The following PSMD4 variants were observed in gnomAD, a reference collection of about 807,000 sequenced individuals.
The protein encoded by PSMD4 is 26S proteasome non-ATPase regulatory subunit 4.
A neutral mutation model predicts 39.7 loss-of-function variants in PSMD4; 5 were observed. The observed-to-expected ratio is 0.13, with a 90% CI of 0.07 to 0.26. The LOEUF (loss-of-function observed/expected upper bound fraction) is 0.26, where lower values mean the gene tolerates loss of function less well. Ranked by LOEUF, PSMD4 falls within the 10% of genes least tolerant of loss-of-function variation. PSMD4 has a pLI of 1.00. For synonymous variants in PSMD4, 143 were observed against 174.6 expected, an observed-to-expected ratio of 0.82 and a Z score of 1.43; for missense variants, 272 against 486.1, an observed-to-expected ratio of 0.56 and a Z score of 4.14.
rs367961685 is a variant in PSMD4, at chr1:151,266,136, C to G, written c.763+24C>G. ...AGGTGAAAGAGGTGGAATCCGAAGT[C>G]CTGGGACTGCGGGATGCTAAACATT... On this transcript the variant is annotated intron_variant, in intron 7 of 9. Transcript: ENST00000368884. 8.1e-6 allele frequency: 13 copies of G among 1,596,970 alleles called. No individual in the cohort carries two copies. The African/African-American group carries it at 1.6e-4, about 20-fold the overall frequency.
intron 1 of PSMD4, among the ~76,000 whole-genome samples, chr1:151,258,236 C>T (rs151000997): frequency 7.0e-4 from 106 of 152,030 alleles, no homozygotes; most frequent in Middle Eastern, 3.4e-3. Flanking sequence ...TCATATTGGT[C>T]AGGCTGGTCT....
rs780048977 is a variant in PSMD4 at position 151,266,366 on chromosome 1, G to A, written c.822G>A (p.Gly274=). 6.2e-6 allele frequency: 10 copies of A among 1,614,186 alleles called. No homozygotes were observed. In the South Asian group the frequency reaches 9.9e-5, roughly 16 times the overall value. The change falls in exon 8 of 10, where the codon GGG becomes GGA. Residue 274 remains glycine, a synonymous_variant. Coordinates refer to ENST00000368884, the MANE Select transcript of PSMD4 (RefSeq NM_002810.4). The stretch of plus-strand genomic sequence containing the variant: ...GCCAGCAAGAGTTTGGCCGCACTGG[G>A]CTTCCTGACCTAAGCAGTATGACTG... The part of the protein sequence containing the change: ...TISQQEFGRT[G]LPDLSSMTEE...
chr1:151,265,910 C>G lies in PSMD4; in HGVS notation c.655-94C>G, dbSNP rs1386596741. The G allele has an allele frequency of 2.1e-6, 3 of 1,440,174 alleles. No individual in the cohort carries two copies. In the African/African-American group the frequency reaches 4.3e-5, roughly 21 times the overall value. 89.2% of individuals were successfully genotyped at this position (1,440,174 alleles called of 1,614,324 possible). A position where few individuals can be genotyped will look rare whatever the true frequency, so the allele number is the denominator to read the frequency against. On this transcript the variant is annotated intron_variant, in intron 6 of 9. Coordinates refer to ENST00000368884, the MANE Select transcript of PSMD4 (RefSeq NM_002810.4). ...TCTGTGTGATAAACCAGAAGCTGCC[C>G]CTTTATGTTCCTTTCCCACACCCCA...
rs1362483909 is a variant in PSMD4, at chr1:151,266,058, C to A, written c.709C>A (p.Arg237=). ...GCAGCGGCAGGAGGAGGAGGCCCGG[C>A]GGGCAGCTGCAGCTTCTGCTGCTGA... ...QRQRQEEEAR[R]AAAASAAEAG... is the part of the protein sequence containing the mutation. The change falls in exon 7 of 10, where the codon CGG becomes AGG. Residue 237 remains arginine, a synonymous_variant. Transcript: ENST00000368884. The A allele has an allele frequency of 1.2e-6, 2 of 1,606,950 alleles. No homozygotes were observed. Among genetic ancestry groups the A allele is most frequent in the Non-Finnish European group, 1.7e-6 (2 of 1,176,640 alleles).
chr1:151,255,012 G>A (rs902386894), intron 1 of PSMD4, among the ~76,000 whole-genome samples: 6 of 152,216 alleles, frequency 3.9e-5, no homozygotes, highest in Admixed American at 3.3e-4. Context: ...GTTACCCCCA[G>A]GGGGACGGTC....
intron 3 of PSMD4, 61 bp from the exon 4 acceptor site, chr1:151,264,771 C>A: frequency 7.4e-7 from 1 of 1,353,998 alleles, no homozygotes; most frequent in Non-Finnish European, 1.0e-6. Flanking sequence ...AACCGAGTGA[C>A]AGAGGAAAGA....
At chr1:151,265,270 T>C (rs765364102) in intron 5 of PSMD4, 36 bp downstream of exon 5, 2 of 1,603,850 alleles carry the variant, frequency 1.2e-6, no homozygotes, top group Non-Finnish European at 1.7e-6. Flanking sequence ...TTGACTTAAT[T>C]TGGTCATAAA....
intron 1 of PSMD4, among the ~76,000 whole-genome samples, chr1:151,256,005 A>T (rs1279201337): frequency 6.6e-6 from 1 of 151,786 alleles, no homozygotes; most frequent in African/African-American, 2.4e-5. Flanking sequence ...GATCAGTGAT[A>T]TTGAGGTTTT....
At chr1:151,258,161 T>C (rs1693221456) in intron 1 of PSMD4, among the ~76,000 whole-genome samples, 1 of 151,588 alleles carries the variant, frequency 6.6e-6, no homozygotes. Flanking sequence ...GTAGCTGGGA[T>C]TACAGGTGCG....
intron 1 of PSMD4, 67 bp downstream of exon 1, chr1:151,254,875 G>C (rs947771331): frequency 7.7e-6 from 11 of 1,429,486 alleles, no homozygotes; most frequent in Non-Finnish European, 1.0e-5. Flanking sequence ...CCAAGGCAGG[G>C]AGGGCCTGGG....
chr1:151,265,215 T>C lies in PSMD4; in HGVS notation c.419T>C (p.Ile140Thr), dbSNP rs373571268. 3 of 1,613,508 alleles carry C rather than the reference T, an allele frequency of 1.9e-6. No homozygotes were observed. Among genetic ancestry groups the C allele is most frequent in the Non-Finnish European group, 2.5e-6 (3 of 1,179,778 alleles). The change falls in exon 5 of 10, where the codon ATT becomes ACT. Residue 140 changes from isoleucine to threonine, a missense_variant. Transcript: ENST00000368884. Reference sequence around the variant, plus strand: ...AAGAAGGAGAAAGTAAATGTTGACATTATCAATTTTGGGGAAGAGGTGAGT... The same window carrying C: ...AAGAAGGAGAAAGTAAATGTTGACACTATCAATTTTGGGGAAGAGGTGAGT... ...RLKKEKVNVD[I>T]INFGEEEVNT...
chr1:151,259,844 G>A (rs1281532577), intron 1 of PSMD4, among the ~76,000 whole-genome samples: 1 of 152,044 alleles, frequency 6.6e-6, no homozygotes, highest in East Asian at 1.9e-4. Flanking sequence ...GCCTCCCAAA[G>A]TGCTGGGATT....
intron 1 of PSMD4, among the ~76,000 whole-genome samples, chr1:151,258,799 C>T (rs1164576169): frequency 1.3e-5 from 2 of 151,970 alleles, no homozygotes; most frequent in African/African-American, 2.4e-5. Flanking sequence ...GCGGTAATCC[C>T]AGCTACTTAG....
Position 151,265,422 on chromosome 1 carries a change from T to G in PSMD4, c.467T>G (p.Phe156Cys), listed in dbSNP as rs1339225378. Residue 156 changes from phenylalanine to cysteine, a missense_variant, in exon 6 of 10, where the codon TTT (phenylalanine) becomes TGT (cysteine). Transcript: ENST00000368884. ...EEVNTEKLTA[F>C]VNTLNGKDGT... is the part of the protein sequence containing the mutation. ...GTGAACACAGAAAAGCTGACAGCCT[T>G]TGTAAACACGTTGAATGGCAAAGAT... 7 of 1,614,202 alleles carry G rather than the reference T, an allele frequency of 4.3e-6. No homozygotes were observed. Among genetic ancestry groups the G allele is most frequent in the Non-Finnish European group, 5.9e-6 (7 of 1,180,034 alleles).
At position 151,263,988 on chromosome 1, in the gene PSMD4, A is replaced by G. The variant is rs903206867; in HGVS notation, c.242A>G (p.Lys81Arg). Residue 81 changes from lysine (K) to arginine (R), a missense_variant, in exon 3 of 10, where the codon AAG becomes AGG. Lys to Arg is a conservative substitution (Grantham distance 26, BLOSUM62 2). This residue lies in a region of PSMD4 where 153 missense variants were observed against 257.6 expected (regional missense o/e 0.59). Transcript: ENST00000368884. ...ILSKLHTVQP[K>R]GKITFCTGIR... ...TCCAAGCTACATACTGTCCAACCCA[A>G]GGGCAAGATCACCTTCTGCACGGGC... 2 of 1,605,160 alleles carry G rather than the reference A, an allele frequency of 1.2e-6. No homozygotes were observed. Among genetic ancestry groups the G allele is most frequent in the Non-Finnish European group, 1.7e-6 (2 of 1,175,778 alleles).
intron 5 of PSMD4, 42 bp downstream of exon 5, chr1:151,265,276 A>G: frequency 2.5e-6 from 4 of 1,601,180 alleles, no homozygotes; most frequent in Non-Finnish European, 3.4e-6. Flanking sequence ...TAATTTGGTC[A>G]TAAACAGAAT....
intron 1 of PSMD4, among the ~76,000 whole-genome samples, chr1:151,259,864 A>G (rs1449077769): frequency 6.6e-6 from 1 of 151,964 alleles, no homozygotes; most frequent in East Asian, 1.9e-4. Context: ...TACAGACGTG[A>G]GCCACCATGC....
chr1:151,264,791 T>G (rs776678068), intron 3 of PSMD4, 41 bp from the exon 4 acceptor site: 3 of 1,496,242 alleles, frequency 2.0e-6, no homozygotes, highest in Non-Finnish European at 2.8e-6. Flanking sequence ...AGCTGAGTGA[T>G]TCCTCTGGTT....
At position 151,260,199 on chromosome 1, in the gene PSMD4, C is replaced by CA. The variant is rs750229890; in HGVS notation, c.27-1948dup. On this transcript the variant is annotated intron_variant, in intron 1 of 9. Transcript: ENST00000368884. ...GGGCAACAAGAGCGAAACTCTGTCT[C>CA]AAAAAAAAAAAAAAGAAAGAAATGA... Among the ~76,000 whole-genome samples, 623 of 121,464 alleles carry CA rather than the reference C, an allele frequency of 5.1e-3. 2 individuals carry two copies. Among genetic ancestry groups the CA allele is most frequent in the African/African-American group, 0.015 (478 of 32,590 alleles). The allele number at this position is 121,464 out of a possible 152,430, so 79.7% of individuals were successfully genotyped here.
Sources: allele counts gnomAD v4.1 joint callset (sites outside exome capture counted in the v4.1 genomes callset), GRCh38; gene constraint gnomAD v4.1.1; regional missense constraint gnomAD v4.1.1; transcripts MANE v1.5; gene names NCBI Gene and HGNC (gene_info 2026-07-23, HGNC 2026-07-21).